The following ATP10B variants were observed in gnomAD, a reference collection of about 807,000 sequenced individuals.
The protein encoded by ATP10B is phospholipid-transporting ATPase VB.
ATP10B carries 122 observed loss-of-function variants against 141.2 expected under a neutral mutation model. The observed-to-expected ratio is 0.86, with a 90% CI of 0.75 to 1.00. The LOEUF (loss-of-function observed/expected upper bound fraction) is 1.00. Ranked by LOEUF, ATP10B falls within the 50% of genes least tolerant of loss-of-function variation. ATP10B has a pLI of 0.00. For synonymous variants in ATP10B, 685 were observed against 692.0 expected, an observed-to-expected ratio of 0.99 and a Z score of 0.16; for missense variants, 1,876 against 1,825.3, an observed-to-expected ratio of 1.03 and a Z score of -0.51.
upstream of ATP10B, among the ~76,000 whole-genome samples, chr5:160,854,013 G>T (rs1394652697): frequency 6.6e-6 from 1 of 151,992 alleles, no homozygotes; most frequent in Non-Finnish European, 1.5e-5. Context: ...TTTACACAGT[G>T]TGTCATGTCT....
the ATP10B span, among the ~76,000 whole-genome samples, chr5:160,920,971 AAATT>A: frequency 1.3e-5 from 2 of 152,186 alleles, no homozygotes; most frequent in African/African-American, 4.8e-5. Context: ...AAGGTTTAAT[AAATT>A]ATTATTAATC....
At chr5:160,874,683 G>T in the ATP10B span, among the ~76,000 whole-genome samples, 1 of 152,134 alleles carries the variant, frequency 6.6e-6, no homozygotes, top group East Asian at 1.9e-4. Context: ...ACAGAGAAGC[G>T]CTTAAAGGAG....
At chr5:160,844,661 T>A (rs964848797) in intron 1 of ATP10B, among the ~76,000 whole-genome samples, 1 of 151,990 alleles carries the variant, frequency 6.6e-6, no homozygotes, top group South Asian at 2.1e-4. Context: ...TTCTCCTGCC[T>A]CAGCATCCTG....
At chr5:160,906,788 G>T in the ATP10B span, among the ~76,000 whole-genome samples, 1 of 152,286 alleles carries the variant, frequency 6.6e-6, no homozygotes, top group Middle Eastern at 3.4e-3. Context: ...GTCATCTTGT[G>T]ACGATAAGGT....
intron 6 of ATP10B, among the ~76,000 whole-genome samples, chr5:160,676,158 G>A (rs547021837): frequency 3.7e-4 from 56 of 152,280 alleles, no homozygotes; most frequent in African/African-American, 1.3e-3. Context: ...GAAGCCCCAG[G>A]TCTGGGGATA....
At chr5:160,892,802 C>G in the ATP10B span, among the ~76,000 whole-genome samples, 2 of 152,138 alleles carry the variant, frequency 1.3e-5, no homozygotes, top group Admixed American at 1.3e-4. Flanking sequence ...CCAGCAAGAT[C>G]AACTCAGAAG....
chr5:160,917,658 G>C, the ATP10B span, among the ~76,000 whole-genome samples: 105 of 152,282 alleles, frequency 6.9e-4, 2 homozygotes, highest in East Asian at 0.015. Flanking sequence ...AGCTTGGATA[G>C]GGGAGGAAGA....
chr5:160,603,438 T>A (rs1453281950), intron 20 of ATP10B: 1 of 155,430 alleles, frequency 6.4e-6, no homozygotes, highest in Non-Finnish European at 1.4e-5. Context: ...TTATGAGACT[T>A]TTTTTGCAAT....
chr5:160,606,801 C>T lies in ATP10B; in HGVS notation c.3124G>A (p.Val1042Met). 1.9e-6 allele frequency: 3 copies of T among 1,614,036 alleles called. No homozygotes were observed. The highest frequency in any genetic ancestry group is 2.5e-6 in the Non-Finnish European group (3 of 1,179,918). The change falls in exon 19 of 26, where the codon GTG becomes ATG. Residue 1042 changes from valine (V) to methionine (M), a missense_variant. Coordinates refer to ENST00000327245, the MANE Select transcript of ATP10B (RefSeq NM_025153.3). ...PLQKSMIVKLVRDKLRVMTLS... is the reference protein window; with the variant it reads ...PLQKSMIVKLMRDKLRVMTLS... ...GTCATGACGCGCAACTTGTCTCGCA[C>T]CAGCTTGACTATCATACTCTTCTGG...
chr5:160,693,744 C>T (rs1764212535), intron 3 of ATP10B, among the ~76,000 whole-genome samples: 1 of 152,278 alleles, frequency 6.6e-6, no homozygotes, highest in South Asian at 2.1e-4. Context: ...TCCTTAGATT[C>T]TCATAAGGAG....
At chr5:160,843,473 GC>G (rs1459405340) in intron 1 of ATP10B, among the ~76,000 whole-genome samples, 2 of 150,956 alleles carry the variant, frequency 1.3e-5, no homozygotes, top group Non-Finnish European at 2.9e-5. Flanking sequence ...GAGTATCTAA[GC>G]AAACACGTAA....
At chr5:160,571,130 A>G (rs1754850090) in intron 24 of ATP10B, among the ~76,000 whole-genome samples, 1 of 152,158 alleles carries the variant, frequency 6.6e-6, no homozygotes, top group Admixed American at 6.5e-5. Context: ...TTCTCATCAC[A>G]GTCTTTTCAA....
rs982419274 is a variant in ATP10B, at chr5:160,640,575, T to C, written c.886A>G (p.Met296Val). 10 of 1,614,022 alleles carry C rather than the reference T, an allele frequency of 6.2e-6. No individual in the cohort carries two copies. Among genetic ancestry groups the C allele is most frequent in the African/African-American group, 2.7e-5 (2 of 74,944 alleles). Residue 296 changes from methionine to valine, a missense_variant, in exon 10 of 26, where the codon ATG (methionine) becomes GTG (valine). Transcript: ENST00000327245. ...VIYAGHETKAMLNNSGPRYKR... is the reference protein window; with the variant it reads ...VIYAGHETKAVLNNSGPRYKR... ...TACCGGGGGCCACTGTTGTTCAGCATGGCTTTCGTCTCATGGCCTTTGAGA... is the reference window on the plus strand; with the variant it reads ...TACCGGGGGCCACTGTTGTTCAGCACGGCTTTCGTCTCATGGCCTTTGAGA...
intron 25 of ATP10B, among the ~76,000 whole-genome samples, 177 bp from the exon 26 acceptor site, chr5:160,566,077 C>CAAAACATA (rs1396898107): frequency 6.6e-6 from 1 of 152,126 alleles, no homozygotes; most frequent in Admixed American, 6.5e-5. Context: ...AAAATAACAA[C>CAAAACATA]AAAACATAAC....
chr5:160,794,512 T>C (rs1771807184), intron 1 of ATP10B, among the ~76,000 whole-genome samples: 1 of 151,546 alleles, frequency 6.6e-6, no homozygotes, highest in African/African-American at 2.4e-5. Flanking sequence ...CAGGAGAAGA[T>C]AGAAGTTCTT....
chr5:160,565,124 C>T lies in ATP10B; in HGVS notation c.*329G>A. ...TCTTGAATCTTGGAAACTTACGGCACTGGGTTGTAGGCTACGCTTATCTAG... is the reference window on the plus strand; with the variant it reads ...TCTTGAATCTTGGAAACTTACGGCATTGGGTTGTAGGCTACGCTTATCTAG... On this transcript the variant is annotated 3_prime_UTR_variant, in exon 26 of 26. Transcript: ENST00000327245. The T allele has an allele frequency of 3.7e-6, 1 of 269,048 alleles. No individual in the cohort carries two copies. The highest frequency in any genetic ancestry group is 8.2e-5 in the East Asian group (1 of 12,180). The allele number at this position is 269,048 out of a possible 1,614,324, so 16.7% of individuals were successfully genotyped here. A position where few individuals can be genotyped will look rare whatever the true frequency, so the allele number is the denominator to read the frequency against.
At chr5:160,817,551 A>G (rs1002164794) in intron 1 of ATP10B, among the ~76,000 whole-genome samples, 1 of 152,208 alleles carries the variant, frequency 6.6e-6, no homozygotes, top group Non-Finnish European at 1.5e-5. Flanking sequence ...AAGAATCAAT[A>G]TCATGTAAAT....
intron 9 of ATP10B, 136 bp from the exon 10 acceptor site, chr5:160,640,728 A>G: frequency 1.6e-6 from 2 of 1,213,740 alleles, no homozygotes; most frequent in Middle Eastern, 2.9e-4. Flanking sequence ...CCCGCCTCAG[A>G]AGGTTGCTGA....
chr5:160,891,279 A>G, the ATP10B span, among the ~76,000 whole-genome samples: 2 of 152,126 alleles, frequency 1.3e-5, no homozygotes, highest in African/African-American at 4.8e-5. Flanking sequence ...AGTAAGTTTA[A>G]TCATGCTCTG....
Sources: gnomAD v4.1 joint callset for allele counts (sites outside exome capture counted in the v4.1 genomes callset) on GRCh38, gnomAD v4.1.1 for gene constraint, MANE v1.5 for transcripts, NCBI Gene and HGNC (gene_info 2026-07-23, HGNC 2026-07-21) for gene names.